PLPP1: variants seen among roughly 807,000 people sequenced by gnomAD.
The protein encoded by PLPP1 is lipid phosphate phosphohydrolase 1a.
PLPP1 carries 24 observed loss-of-function variants against 31.2 expected under a neutral mutation model. The ratio of observed to expected loss-of-function variants is 0.77; its 90% CI spans 0.56 to 1.08. The LOEUF (loss-of-function observed/expected upper bound fraction) is 1.08, where lower values mean the gene tolerates loss of function less well. Among genes scored for constraint, PLPP1 ranks in the 50% least tolerant of loss-of-function variants. PLPP1 has a pLI of 0.00. For missense variants in PLPP1, 319 were observed against 342.7 expected (o/e 0.93, Z 0.55); for synonymous variants, 146 against 126.3 (o/e 1.16, Z -1.05).
chr5:55,427,187 G>C (rs183272702), intron 4 of PLPP1, among the ~76,000 whole-genome samples: 1 of 151,532 alleles, frequency 6.6e-6, no homozygotes, highest in Non-Finnish European at 1.5e-5. Flanking sequence ...ATGACTCGTA[G>C]ACTAAATTAA....
chr5:55,456,076 G>A (rs1318365920), intron 3 of PLPP1, among the ~76,000 whole-genome samples: 2 of 152,062 alleles, frequency 1.3e-5, no homozygotes, highest in African/African-American at 4.8e-5. Context: ...TAGATAACTG[G>A]ATGTTCTAAT....
At chr5:55,514,389 CAAAA>C (rs34915896) in intron 1 of PLPP1, among the ~76,000 whole-genome samples, 1 of 143,470 alleles carries the variant, frequency 7.0e-6, no homozygotes. Context: ...GACCTGGTCT[CAAAA>C]AAAAAAAAAA....
intron 2 of PLPP1, among the ~76,000 whole-genome samples, chr5:55,473,134 A>G (rs1304982939): frequency 6.6e-6 from 1 of 152,230 alleles, no homozygotes; most frequent in East Asian, 1.9e-4. Context: ...AGAAACATAC[A>G]TACTTTTTAA....
At chr5:55,453,945 A>G (rs1751948983) in intron 3 of PLPP1, among the ~76,000 whole-genome samples, 1 of 152,178 alleles carries the variant, frequency 6.6e-6, no homozygotes, top group African/African-American at 2.4e-5. Flanking sequence ...TGTCTCAAAA[A>G]AAAAGAAAAT....
At chr5:55,448,486 C>T (rs1035342886) in intron 3 of PLPP1, among the ~76,000 whole-genome samples, 1 of 131,042 alleles carries the variant, frequency 7.6e-6, no homozygotes, top group African/African-American at 2.9e-5. Flanking sequence ...CTTGCTCTGT[C>T]GCCCAGGCTG....
chr5:55,505,175 T>A (rs1009480372), intron 1 of PLPP1, among the ~76,000 whole-genome samples: 3 of 152,176 alleles, frequency 2.0e-5, no homozygotes, highest in African/African-American at 7.2e-5. Context: ...AATTTTACCC[T>A]CTTCTTATCA....
intron 1 of PLPP1, among the ~76,000 whole-genome samples, chr5:55,483,863 T>C (rs1458222017): frequency 6.6e-6 from 1 of 152,098 alleles, no homozygotes; most frequent in Admixed American, 6.5e-5. Context: ...GGATTTTAAA[T>C]AATGCATATT....
Position 55,534,739 on chromosome 5 carries a change from G to A in PLPP1, c.-110C>T. On this transcript the variant is annotated 5_prime_UTR_variant, in exon 1 of 6. Coordinates refer to ENST00000307259, the MANE Select transcript of PLPP1 (RefSeq NM_003711.4). ...GGGCTGGCGACGGCCCCGAGCTACG[G>A]CCCCTCCCAGCCGGAGGAGGAGAGC... 8.7e-7 allele frequency: 1 copy of A among 1,155,904 alleles called. No homozygotes were observed. The highest frequency in any genetic ancestry group is 1.2e-6 in the Non-Finnish European group (1 of 845,984). The allele number at this position is 1,155,904 out of a possible 1,614,324, so 71.6% of individuals were successfully genotyped here.
chr5:55,500,238 C>A (rs1294029321), intron 1 of PLPP1, among the ~76,000 whole-genome samples: 1 of 151,984 alleles, frequency 6.6e-6, no homozygotes, highest in African/African-American at 2.4e-5. Context: ...CGCCACCACG[C>A]CCAGCTAATT....
At chr5:55,509,147 G>A (rs7707271) in intron 1 of PLPP1, among the ~76,000 whole-genome samples, 118,311 of 152,160 alleles carry the variant, frequency 0.78, 47,073 homozygotes, top group Non-Finnish European at 0.87. Flanking sequence ...CAGCATGAAG[G>A]TTTTCAATTT....
At chr5:55,433,080 G>A (rs1471491798) in intron 4 of PLPP1, among the ~76,000 whole-genome samples, 1 of 150,142 alleles carries the variant, frequency 6.7e-6, no homozygotes, top group Non-Finnish European at 1.5e-5. Flanking sequence ...AGGTCAAGGC[G>A]GGCAGATCGC....
intron 2 of PLPP1, among the ~76,000 whole-genome samples, chr5:55,473,958 C>T (rs949228966): frequency 6.8e-6 from 1 of 148,132 alleles, no homozygotes; most frequent in African/African-American, 2.5e-5. Flanking sequence ...CGTGAGCCAC[C>T]ACATCCACCA....
intron 1 of PLPP1, among the ~76,000 whole-genome samples, chr5:55,493,409 T>C (rs940426337): frequency 6.6e-6 from 1 of 152,132 alleles, no homozygotes; most frequent in African/African-American, 2.4e-5. Context: ...TCTATGGTTT[T>C]TCATGGGAAT....
At chr5:55,464,149 T>C (rs1752231771) in intron 3 of PLPP1, among the ~76,000 whole-genome samples, 3 of 151,744 alleles carry the variant, frequency 2.0e-5, no homozygotes, top group South Asian at 2.1e-4. Flanking sequence ...ATGCTATATA[T>C]AGTCCAGCAC....
intron 1 of PLPP1, among the ~76,000 whole-genome samples, chr5:55,493,209 G>A (rs1318128722): frequency 6.6e-6 from 1 of 152,022 alleles, no homozygotes; most frequent in Non-Finnish European, 1.5e-5. Context: ...CAGCTACTCA[G>A]GAGGGTGAGG....
At chr5:55,534,228 A>G (rs1412817017) in intron 1 of PLPP1, among the ~76,000 whole-genome samples, 1 of 152,192 alleles carries the variant, frequency 6.6e-6, no homozygotes, top group Non-Finnish European at 1.5e-5. Flanking sequence ...GAGATGGGCC[A>G]GTGACCAGGC....
At chr5:55,463,810 TAAATAAATA>T (rs1312762377) in intron 3 of PLPP1, among the ~76,000 whole-genome samples, 2 of 148,084 alleles carry the variant, frequency 1.4e-5, no homozygotes, top group Non-Finnish European at 3.0e-5. Flanking sequence ...AATAAATAAA[TAAATAAATA>T]AATAAATAAA....
intron 3 of PLPP1, among the ~76,000 whole-genome samples, chr5:55,459,303 C>A (rs534392331): frequency 6.7e-6 from 1 of 150,218 alleles, no homozygotes; most frequent in East Asian, 1.9e-4. Flanking sequence ...ACAAAGTTTA[C>A]GCAAATGAAA....
At chr5:55,463,340 CTTAAA>C (rs938475567) in intron 3 of PLPP1, among the ~76,000 whole-genome samples, 7 of 152,044 alleles carry the variant, frequency 4.6e-5, no homozygotes, top group Admixed American at 1.3e-4. Flanking sequence ...TATCCTAGAA[CTTAAA>C]TTAAGATAAA....
Sources: gnomAD v4.1 joint callset for allele counts (sites outside exome capture counted in the v4.1 genomes callset) on GRCh38, gnomAD v4.1.1 for gene constraint, MANE v1.5 for transcripts, NCBI Gene and HGNC (gene_info 2026-07-23, HGNC 2026-07-21) for gene names.